The following PTPN14 variants were observed in gnomAD, a reference collection of about 807,000 sequenced individuals.
The protein encoded by PTPN14 is protein tyrosine phosphatase non-receptor type 14.
In PTPN14, 53 loss-of-function variants were observed where a neutral mutation model predicts 126.8. The observed-to-expected ratio is 0.42, with a 90% CI of 0.34 to 0.53. The LOEUF is 0.53. Ranked by LOEUF, PTPN14 falls within the 20% of genes least tolerant of loss-of-function variation. PTPN14 has a pLI of 0.08. For missense variants in PTPN14, 1,257 were observed against 1,552.9 expected (o/e 0.81, Z 3.20); for synonymous variants, 630 against 599.3 (o/e 1.05, Z -0.75).
intron 1 of PTPN14, among the ~76,000 whole-genome samples, chr1:214,521,566 T>G (rs958273379): frequency 6.6e-6 from 1 of 151,836 alleles, no homozygotes; most frequent in Non-Finnish European, 1.5e-5. Context: ...ATACAAAAAA[T>G]TAGGTGGGCG....
At chr1:214,408,607 A>T (rs1659224670) in intron 5 of PTPN14, among the ~76,000 whole-genome samples, 1 of 152,254 alleles carries the variant, frequency 6.6e-6, no homozygotes, top group Non-Finnish European at 1.5e-5. Flanking sequence ...AGAACTGACC[A>T]TCTAGCTGAC....
intron 1 of PTPN14, among the ~76,000 whole-genome samples, chr1:214,467,681 C>T (rs1031348156): frequency 3.3e-5 from 5 of 152,198 alleles, no homozygotes; most frequent in African/African-American, 1.2e-4. Flanking sequence ...TAGCATCTTA[C>T]AGCTGCCTTA....
chr1:214,466,968 G>C (rs1167001595), intron 1 of PTPN14, among the ~76,000 whole-genome samples: 1 of 152,122 alleles, frequency 6.6e-6, no homozygotes, highest in Non-Finnish European at 1.5e-5. Context: ...CCCACAGCAG[G>C]TCTTTGATAC....
At chr1:214,517,649 G>C (rs1220911229) in intron 1 of PTPN14, among the ~76,000 whole-genome samples, 1 of 152,132 alleles carries the variant, frequency 6.6e-6, no homozygotes, top group African/African-American at 2.4e-5. Context: ...AGGAGGAGTA[G>C]GGAGGGAAAG....
intron 15 of PTPN14, among the ~76,000 whole-genome samples, chr1:214,373,700 A>T (rs59145231): frequency 0.27 from 3,181 of 11,988 alleles, 147 homozygotes; most frequent in African/African-American, 0.5. Flanking sequence ...ATTAAACAAT[A>T]AAAAAAAAAA....
Position 214,372,785 on chromosome 1 carries a change from G to A in PTPN14, c.2962C>T (p.His988Tyr). 6.2e-7 allele frequency: 1 copy of A among 1,614,182 alleles called. No homozygotes were observed. Among genetic ancestry groups the A allele is most frequent in the Non-Finnish European group, 8.5e-7 (1 of 1,180,034 alleles). Residue 988 changes from histidine (H) to tyrosine (Y), a missense_variant, in exon 16 of 19, where the codon CAC becomes TAC. His to Tyr is a moderately conservative substitution (Grantham distance 83, BLOSUM62 2). This residue lies in a region of PTPN14 where 65 missense variants were observed against 139.7 expected (regional missense o/e 0.47). Transcript: ENST00000366956. ...HYIATQGPLP[H>Y]TCHDFWQMVW... The stretch of plus-strand genomic sequence containing the variant: ...ATCTGCCAGAAGTCGTGGCACGTGT[G>A]TGGCAGGGGCCCCTGGGTGGCTATG...
At chr1:214,532,441 TG>T in intron 1 of PTPN14, 1 of 788,016 alleles carries the variant, frequency 1.3e-6, no homozygotes, top group Admixed American at 1.8e-5. Flanking sequence ...ATGCAAAGCC[TG>T]AAAGACCACC....
chr1:214,494,869 G>A (rs112112837), intron 1 of PTPN14, among the ~76,000 whole-genome samples: 4,247 of 152,236 alleles, frequency 0.028, 81 homozygotes, highest in Non-Finnish European at 0.04. Context: ...CACTGACCAC[G>A]TGTCATCTTC....
At chr1:214,529,355 C>G (rs932119102) in intron 1 of PTPN14, 1 of 152,196 alleles carries the variant, frequency 6.6e-6, no homozygotes, top group Middle Eastern at 3.4e-3. Context: ...GTCCTAATCT[C>G]TATGGTCATA....
chr1:214,443,266 T>C (rs1660074207), intron 3 of PTPN14, among the ~76,000 whole-genome samples: 1 of 152,160 alleles, frequency 6.6e-6, no homozygotes, highest in South Asian at 2.1e-4. Flanking sequence ...CAGTAAAACA[T>C]AAGAAAATCC....
chr1:214,520,065 A>AAAAT lies in PTPN14; in HGVS notation c.-155+31117_-155+31118insATTT. ...CCTGTCTCAAAAAAAAAAAAAAAAA[A>AAAAT]ATATATATATATATATATGCAGAAT... On this transcript the variant is annotated intron_variant, in intron 1 of 18. Transcript: ENST00000366956. Among the ~76,000 whole-genome samples, 29 of 71,110 alleles carry AAAAT rather than the reference A, an allele frequency of 4.1e-4. 1 individual carries two copies. In the South Asian group the frequency reaches 0.011, roughly 27 times the overall value. The allele number at this position is 71,110 out of a possible 152,430, so 46.7% of individuals were successfully genotyped here.
intron 1 of PTPN14, among the ~76,000 whole-genome samples, chr1:214,513,886 A>G (rs528137421): frequency 6.6e-6 from 1 of 152,202 alleles, no homozygotes; most frequent in East Asian, 1.9e-4. Flanking sequence ...TGATATTTTT[A>G]TTATTTTTGG....
Position 214,384,100 on chromosome 1 carries a change from G to A in PTPN14, c.1755C>T (p.His585=). The change falls in exon 13 of 19, where the codon CAC becomes CAT. Residue 585 remains histidine (H), a synonymous_variant. Transcript: ENST00000366956. The surrounding 1 kb of genome is among the most constrained non-coding windows in gnomAD (Gnocchi z 5.3). ...TGCTGCCGCTGACGTACTTGTGGCGGTGGCTGGCCAGGTCTGGGGTGCTGG... is the reference window on the plus strand; with the variant it reads ...TGCTGCCGCTGACGTACTTGTGGCGATGGCTGGCCAGGTCTGGGGTGCTGG... ...PATSTPDLAS[H]RHKYVSGSSP... 1.3e-6 allele frequency: 2 copies of A among 1,573,408 alleles called. No individual in the cohort carries two copies. The highest frequency in any genetic ancestry group is 1.7e-6 in the Non-Finnish European group (2 of 1,162,564).
rs772654506 is a variant in PTPN14 at position 214,390,974 on chromosome 1, G to C, written c.987+14C>G. The C allele has an allele frequency of 1.3e-6, 2 of 1,508,220 alleles. No homozygotes were observed. The highest frequency in any genetic ancestry group is 1.8e-6 in the Non-Finnish European group (2 of 1,106,506). 93.4% of individuals were successfully genotyped at this position (1,508,220 alleles called of 1,614,324 possible). ...ACAGTCAGATCACTTGATCACTGCA[G>C]CTTCTATACATACCAGAGAGGATCG... On this transcript the variant is annotated intron_variant, in intron 11 of 18. Coordinates refer to ENST00000366956, the MANE Select transcript of PTPN14 (RefSeq NM_005401.5).
chr1:214,481,277 T>C (rs916418759), intron 1 of PTPN14, among the ~76,000 whole-genome samples: 1 of 151,362 alleles, frequency 6.6e-6, no homozygotes, highest in Non-Finnish European at 1.5e-5. Context: ...GAGGCCAAGG[T>C]GGGCAGATCA....
At chr1:214,374,206 C>T (rs1658288043) in intron 15 of PTPN14, among the ~76,000 whole-genome samples, 1 of 152,094 alleles carries the variant, frequency 6.6e-6, no homozygotes, top group African/African-American at 2.4e-5. Context: ...AAACTTTTTC[C>T]CCTCATTTAT....
At chr1:214,504,286 C>A (rs1654779507) in intron 1 of PTPN14, among the ~76,000 whole-genome samples, 1 of 152,066 alleles carries the variant, frequency 6.6e-6, no homozygotes, top group Non-Finnish European at 1.5e-5. Context: ...AGATAGGAAA[C>A]CTTTTAGCCA....
In PTPN14 at chr1:214,471,411, C is replaced by T. The variant is rs187753844; in HGVS notation, c.-154-6454G>A. Reference sequence around the variant, plus strand: ...CTTATCCTCTTTTAGCCTCAGTCTACTCACTTATGAAGTTAATACATACCC... The same window carrying T: ...CTTATCCTCTTTTAGCCTCAGTCTATTCACTTATGAAGTTAATACATACCC... On this transcript the variant is annotated intron_variant, in intron 1 of 18. Coordinates refer to ENST00000366956, the MANE Select transcript of PTPN14 (RefSeq NM_005401.5). Among the ~76,000 whole-genome samples, 9 of 152,294 alleles carry T rather than the reference C, an allele frequency of 5.9e-5. No individual in the cohort carries two copies. In the East Asian group the frequency reaches 1.7e-3, roughly 29 times the overall value.
At chr1:214,413,768 A>T (rs1183931828) in intron 4 of PTPN14, among the ~76,000 whole-genome samples, 1 of 152,146 alleles carries the variant, frequency 6.6e-6, no homozygotes, top group East Asian at 1.9e-4. Context: ...TCCCACGTTC[A>T]AGCGATTCTC....
Sources: gnomAD v4.1 joint callset for allele counts (sites outside exome capture counted in the v4.1 genomes callset) on GRCh38, gnomAD v4.1.1 for gene constraint, gnomAD v4.1.1 regional missense constraint, Gnocchi (gnomAD v3.1) non-coding constraint, MANE v1.5 for transcripts, NCBI Gene and HGNC (gene_info 2026-07-23, HGNC 2026-07-21) for gene names.